The following PJVK variants were observed in gnomAD, a reference collection of about 807,000 sequenced individuals.
The protein encoded by PJVK is autosomal recessive deafness type 59 protein.
A neutral mutation model predicts 37.6 loss-of-function variants in PJVK; 33 were observed. The ratio of observed to expected loss-of-function variants is 0.88; its 90% CI spans 0.67 to 1.17. PJVK has a LOEUF of 1.17. PJVK is among the 50% of genes most tolerant of loss of function. PJVK has a pLI of 0.00. For missense variants in PJVK, 410 were observed against 413.8 expected (o/e 0.99, Z 0.08); for synonymous variants, 141 against 143.5 (o/e 0.98, Z 0.13).
intron 6 of PJVK, 106 bp downstream of exon 6, chr2:178,460,552 T>G: frequency 8.9e-7 from 1 of 1,119,202 alleles, no homozygotes; most frequent in Non-Finnish European, 1.3e-6. Flanking sequence ...AAATTTAAAT[T>G]TAAAAGCCTG....
Position 178,453,464 on chromosome 2 carries a change from T to C in PJVK, c.55T>C (p.Leu19=). ...FVKQVGDGGR[L]VPVPSLSEAD... ...CAAGCAAGTTGGAGATGGAGGGAGATTAGTTCCTGTTCCAAGCCTCAGTGA... is the reference window on the plus strand; with the variant it reads ...CAAGCAAGTTGGAGATGGAGGGAGACTAGTTCCTGTTCCAAGCCTCAGTGA... Residue 19 remains leucine (L), a synonymous_variant, in exon 2 of 7, where the codon TTA becomes CTA. Transcript: ENST00000644580. 6.2e-7 allele frequency: 1 copy of C among 1,614,124 alleles called. No individual in the cohort carries two copies. Among genetic ancestry groups the C allele is most frequent in the Non-Finnish European group, 8.5e-7 (1 of 1,179,996 alleles).
chr2:178,456,009 G>C lies in PJVK; in HGVS notation c.408-1G>C. ...TTGTGAATGTATCTTCTTTATTTTA[G>C]AAAAATTAACTTTGACCACAGCTTG... On this transcript the variant is annotated splice_acceptor_variant, in intron 3 of 6. Transcript: ENST00000644580. LOFTEE classifies it high-confidence loss of function. 1 of 1,613,732 alleles carries C rather than the reference G, an allele frequency of 6.2e-7. No individual in the cohort carries two copies. The highest frequency in any genetic ancestry group is 8.5e-7 in the Non-Finnish European group (1 of 1,179,812).
chr2:178,453,660 T>C (rs757800022), intron 2 of PJVK, 40 bp downstream of exon 2: 1 of 1,538,492 alleles, frequency 6.5e-7, no homozygotes. Flanking sequence ...CATTCATCTG[T>C]ATTATTGGCA....
chr2:178,454,827 A>C, intron 3 of PJVK: 1 of 1,291,112 alleles, frequency 7.7e-7, no homozygotes, highest in Non-Finnish European at 1.1e-6. Flanking sequence ...GGCCCAGATC[A>C]AGAATGGCAG....
At chr2:178,454,067 T>G (rs1318095518) in intron 2 of PJVK, 1 of 361,510 alleles carries the variant, frequency 2.8e-6, no homozygotes, top group Non-Finnish European at 5.3e-6. Context: ...AAACGCTTAT[T>G]TTTTCTTTTA....
At chr2:178,460,284 C>A (rs896519273) in intron 5 of PJVK, 64 bp from the exon 6 acceptor site, 9 of 1,284,142 alleles carry the variant, frequency 7.0e-6, no homozygotes, top group Non-Finnish European at 9.0e-6. Context: ...GAATTCATCA[C>A]CCCATCAAAC....
chr2:178,454,879 A>G, intron 3 of PJVK: 1 of 981,268 alleles, frequency 1.0e-6, no homozygotes, highest in South Asian at 1.3e-5. Context: ...GAAGATGAGG[A>G]GGAGGAAGAT....
intron 4 of PJVK, 61 bp downstream of exon 4, chr2:178,456,212 G>A (rs1207376886): frequency 1.3e-6 from 2 of 1,576,130 alleles, no homozygotes; most frequent in South Asian, 1.1e-5. Context: ...ATTTTTTTAA[G>A]TATTGAATTT....
intron 5 of PJVK, 118 bp downstream of exon 5, chr2:178,458,745 G>T: frequency 1.1e-6 from 1 of 921,408 alleles, no homozygotes; most frequent in African/African-American, 1.6e-5. Context: ...TATAGAAGAT[G>T]CTCTCAGCAC....
intron 5 of PJVK, chr2:178,459,389 A>C: frequency 3.0e-6 from 1 of 330,144 alleles, no homozygotes; most frequent in Non-Finnish European, 6.4e-6. Context: ...TTTTTAAAAA[A>C]TATTTTTAAT....
intron 5 of PJVK, chr2:178,459,249 G>T: frequency 2.1e-6 from 1 of 471,160 alleles, no homozygotes; most frequent in Non-Finnish European, 4.4e-6. Flanking sequence ...AAGGGATCAG[G>T]AAAGGCAGCC....
At chr2:178,458,445 T>C (rs777066272) in intron 4 of PJVK, 65 bp from the exon 5 acceptor site, 47 of 1,317,092 alleles carry the variant, frequency 3.6e-5, no homozygotes, top group Non-Finnish European at 4.8e-5. Context: ...AAATGTTTCA[T>C]TTCTCCAAAA....
At chr2:178,460,691 GA>G (rs1163296965) in intron 6 of PJVK, among the ~76,000 whole-genome samples, 1 of 151,124 alleles carries the variant, frequency 6.6e-6, no homozygotes. Context: ...GAATACAAAA[GA>G]AAAAAAATTA....
At position 178,461,261 on chromosome 2, in the gene PJVK, A is replaced by G; in HGVS notation, c.1046A>G (p.Lys349Arg). 1 of 1,614,116 alleles carries G rather than the reference A, an allele frequency of 6.2e-7. No homozygotes were observed. Among genetic ancestry groups the G allele is most frequent in the Non-Finnish European group, 8.5e-7 (1 of 1,180,014 alleles). The change falls in exon 7 of 7, where the codon AAG (lysine) becomes AGG (arginine). Residue 349 changes from lysine (K) to arginine (R), a missense_variant. By Grantham distance (26) the Lys-to-Arg change is conservative. Transcript: ENST00000644580. ...HAVPCFDIWHKRMK is the reference protein window; with the variant it reads ...HAVPCFDIWHRRMK ...GTTCCTTGTTTTGATATTTGGCACA[A>G]GAGGATGAAATAAAATGAAAAATGA...
At chr2:178,457,255 A>C (rs1322648264) in intron 4 of PJVK, among the ~76,000 whole-genome samples, 1 of 152,170 alleles carries the variant, frequency 6.6e-6, no homozygotes, top group Admixed American at 6.5e-5. Context: ...TTATATTCAA[A>C]TAGTTTTTCA....
chr2:178,456,310 A>T, intron 4 of PJVK, 159 bp downstream of exon 4: 7 of 830,374 alleles, frequency 8.4e-6, no homozygotes, highest in Admixed American at 2.6e-5. Flanking sequence ...GTTCTAGAAT[A>T]TGAAAAAAAA....
chr2:178,451,604 C>A lies in PJVK; in HGVS notation c.-188C>A. On this transcript the variant is annotated 5_prime_UTR_variant, in exon 1 of 7. It adds an upstream start codon to the 5' untranslated region. Transcript: ENST00000644580. ...TCCAGGGAGTCTCCCGGGCCTGGTCCTGAAGCTTGAGACCCCGGATATATA... is the reference window on the plus strand; with the variant it reads ...TCCAGGGAGTCTCCCGGGCCTGGTCATGAAGCTTGAGACCCCGGATATATA... 6.1e-6 allele frequency: 1 copy of A among 163,818 alleles called. No individual in the cohort carries two copies. The highest frequency in any genetic ancestry group is 1.3e-5 in the Non-Finnish European group (1 of 78,422). The allele number at this position is 163,818 out of a possible 1,614,324, so 10.1% of individuals were successfully genotyped here. A position where few individuals can be genotyped will look rare whatever the true frequency, so the allele number is the denominator to read the frequency against.
intron 5 of PJVK, 123 bp from the exon 6 acceptor site, chr2:178,460,224 AG>A (rs1284139914): frequency 2.4e-6 from 2 of 823,766 alleles, no homozygotes; most frequent in Non-Finnish European, 3.9e-6. Context: ...CTTTTCCAAA[AG>A]TATGTAAAAG....
intron 1 of PJVK, 163 bp from the exon 2 acceptor site, chr2:178,453,225 T>G: frequency 1.6e-6 from 1 of 613,448 alleles, no homozygotes; most frequent in Non-Finnish European, 2.9e-6. Context: ...CTATAATTCA[T>G]TACCTGAGCA....
Sources: gnomAD v4.1 joint callset for allele counts (sites outside exome capture counted in the v4.1 genomes callset) on GRCh38, gnomAD v4.1.1 for gene constraint, MANE v1.5 for transcripts, NCBI Gene and HGNC (gene_info 2026-07-23, HGNC 2026-07-21) for gene names.